The following SLC25A13 variants were observed in gnomAD, a reference collection of about 807,000 sequenced individuals.
SLC25A13 encodes the protein electrogenic aspartate/glutamate antiporter SLC25A13, mitochondrial.
Under a neutral mutation model 85.5 loss-of-function variants are expected in SLC25A13, and 70 were observed. That is an observed-to-expected ratio of 0.82 (90% CI 0.68 to 1.00). The LOEUF is 1.00. Among genes scored for constraint, SLC25A13 ranks in the 50% least tolerant of loss-of-function variants. The probability of loss-of-function intolerance (pLI) is 0.00; values close to 1 mark genes in which losing one functional copy is unlikely to be tolerated. For synonymous variants in SLC25A13, 259 were observed against 288.7 expected (o/e 0.90, Z 1.04); for missense variants, 765 against 819.8 (o/e 0.93, Z 0.82).
chr7:96,286,637 C>T (rs772064618), intron 2 of SLC25A13, among the ~76,000 whole-genome samples: 42 of 152,164 alleles, frequency 2.8e-4, no homozygotes, highest in Non-Finnish European at 4.0e-4. Flanking sequence ...ATCATGGCTT[C>T]TGGGGTTTTT....
In SLC25A13 at chr7:96,194,442, C is replaced by CAAAAAA. The variant is rs546248549; in HGVS notation, c.469-1265_469-1260dup. Reference sequence around the variant, plus strand: ...TGGGTGACAGAGTGAAACCTTGTCTCAAAAAAAAAAAAAAAAAAAAAAAAA... The same window carrying CAAAAAA: ...TGGGTGACAGAGTGAAACCTTGTCTCAAAAAAAAAAAAAAAAAAAAAAAAAAAAAAA... On this transcript the variant is annotated intron_variant, in intron 5 of 17. Transcript: ENST00000265631. 5.2e-3 allele frequency among the ~76,000 whole-genome samples: 144 copies of CAAAAAA among 27,510 alleles called. 5 individuals carry two copies. The highest frequency in any genetic ancestry group is 8.7e-3 in the East Asian group (4 of 462). The allele number at this position is 27,510 out of a possible 152,430, so 18.0% of individuals were successfully genotyped here. A position where few individuals can be genotyped will look rare whatever the true frequency, so the allele number is the denominator to read the frequency against.
chr7:96,154,449 A>G (rs1277715674), intron 13 of SLC25A13, among the ~76,000 whole-genome samples: 1 of 152,134 alleles, frequency 6.6e-6, no homozygotes, highest in African/African-American at 2.4e-5. Flanking sequence ...GGTGCGTGCC[A>G]CGACATCTGG....
chr7:96,128,937 TTG>T (rs1491309391), intron 15 of SLC25A13, among the ~76,000 whole-genome samples: 1 of 136,954 alleles, frequency 7.3e-6, no homozygotes, highest in African/African-American at 3.0e-5. Context: ...TCTGCCTTGC[TTG>T]CTCTCTCTCT....
At chr7:96,240,341 T>G (rs1796921798) in intron 3 of SLC25A13, among the ~76,000 whole-genome samples, 1 of 152,122 alleles carries the variant, frequency 6.6e-6, no homozygotes, top group African/African-American at 2.4e-5. Context: ...GAACTCAGTC[T>G]TGCAATAAAA....
rs866418509 is a variant in SLC25A13 at position 96,263,041 on chromosome 7, A to C, written c.212+14155T>G. 5.5e-3 allele frequency among the ~76,000 whole-genome samples: 833 copies of C among 151,812 alleles called. 10 individuals are homozygous for C. Among genetic ancestry groups the C allele is most frequent in the African/African-American group, 0.019 (803 of 41,476 alleles). On this transcript the variant is annotated intron_variant, in intron 3 of 17. Coordinates refer to ENST00000265631, the MANE Select transcript of SLC25A13 (RefSeq NM_014251.3). ...AACCATCTAGGAAAAAAAAAAAAAA[A>C]AAAACAGCAGAGCTACTGCTCACAA...
intron 4 of SLC25A13, among the ~76,000 whole-genome samples, chr7:96,230,179 C>T (rs890449375): frequency 6.6e-6 from 1 of 152,060 alleles, no homozygotes; most frequent in East Asian, 1.9e-4. Context: ...AAAATACATG[C>T]GACATGGATT....
intron 13 of SLC25A13, among the ~76,000 whole-genome samples, chr7:96,156,250 C>G (rs2116519472): frequency 6.6e-6 from 1 of 152,270 alleles, no homozygotes; most frequent in African/African-American, 2.4e-5. Flanking sequence ...GAAAGCCAGG[C>G]TACTTGGCAG....
intron 3 of SLC25A13, 42 bp from the exon 4 acceptor site, chr7:96,234,959 T>A: frequency 6.7e-7 from 1 of 1,485,248 alleles, no homozygotes. Flanking sequence ...CAGTAGCTTG[T>A]GGAAAACAGA....
chr7:96,193,309 T>A, intron 5 of SLC25A13, 126 bp from the exon 6 acceptor site: 1 of 1,133,892 alleles, frequency 8.8e-7, no homozygotes, highest in Non-Finnish European at 1.3e-6. Context: ...AGCCCTCATC[T>A]GCCTAATAGC....
intron 4 of SLC25A13, among the ~76,000 whole-genome samples, chr7:96,231,821 C>T (rs1277967585): frequency 6.6e-6 from 1 of 151,998 alleles, no homozygotes; most frequent in African/African-American, 2.4e-5. Flanking sequence ...GAAAAAGGCT[C>T]AACATCACTG....
chr7:96,233,284 C>T (rs1001478475), intron 4 of SLC25A13, among the ~76,000 whole-genome samples: 42 of 152,314 alleles, frequency 2.8e-4, no homozygotes, highest in African/African-American at 1.0e-3. Flanking sequence ...AAACTCGCTT[C>T]CATTGAGTAA....
intron 11 of SLC25A13, among the ~76,000 whole-genome samples, chr7:96,176,641 C>T (rs147655322): frequency 2.7e-4 from 41 of 152,288 alleles, no homozygotes; most frequent in South Asian, 6.2e-4. Flanking sequence ...GGACCAAGCC[C>T]AGATCAGGGG....
intron 4 of SLC25A13, among the ~76,000 whole-genome samples, chr7:96,232,251 T>G (rs1264388778): frequency 6.6e-6 from 1 of 151,582 alleles, no homozygotes; most frequent in Non-Finnish European, 1.5e-5. Context: ...TACTATGCAG[T>G]CATTAAAAAA....
chr7:96,131,727 C>A lies in SLC25A13; in HGVS notation c.1591+16G>T, dbSNP rs1486004101. ...AAGGGTCAGGGAAGTAAGAGAACTC[C>A]ATGGGGGACACTCACCAGCTATGGC... On this transcript the variant is annotated intron_variant, in intron 15 of 17. Transcript: ENST00000265631. 1.9e-6 allele frequency: 3 copies of A among 1,613,610 alleles called. No individual in the cohort carries two copies. The highest frequency in any genetic ancestry group is 2.5e-6 in the Non-Finnish European group (3 of 1,179,858).
At chr7:96,150,522 A>G (rs1354349443) in intron 13 of SLC25A13, among the ~76,000 whole-genome samples, 1 of 152,182 alleles carries the variant, frequency 6.6e-6, no homozygotes, top group Non-Finnish European at 1.5e-5. Flanking sequence ...TTGAAGTCCT[A>G]ACTCTCAAAT....
intron 4 of SLC25A13, among the ~76,000 whole-genome samples, chr7:96,228,469 G>A (rs1224343359): frequency 2.0e-5 from 3 of 152,232 alleles, no homozygotes; most frequent in Non-Finnish European, 4.4e-5. Context: ...AAAAATGGCT[G>A]ATACCAACTG....
chr7:96,208,033 T>G (rs956332801), intron 5 of SLC25A13, among the ~76,000 whole-genome samples: 4 of 152,234 alleles, frequency 2.6e-5, no homozygotes, highest in African/African-American at 9.6e-5. Flanking sequence ...CATTAGTTTT[T>G]AAAGCTTCCA....
intron 9 of SLC25A13, among the ~76,000 whole-genome samples, chr7:96,185,465 G>A (rs147201283): frequency 4.6e-5 from 7 of 152,220 alleles, no homozygotes; most frequent in Non-Finnish European, 5.9e-5. Context: ...CCAGCATGGT[G>A]GCATGTGCCT....
intron 2 of SLC25A13, among the ~76,000 whole-genome samples, chr7:96,279,341 G>T (rs1258870642): frequency 6.6e-6 from 1 of 152,044 alleles, no homozygotes; most frequent in East Asian, 1.9e-4. Flanking sequence ...AGCTGTATTA[G>T]TCTGTTCTTA....
Sources: gnomAD v4.1 joint callset for allele counts (sites outside exome capture counted in the v4.1 genomes callset) on GRCh38, gnomAD v4.1.1 for gene constraint, MANE v1.5 for transcripts, NCBI Gene and HGNC (gene_info 2026-07-23, HGNC 2026-07-21) for gene names.